ST8SIA2: variants seen among roughly 807,000 people sequenced by gnomAD.
ST8SIA2 encodes ST8 alpha-N-acetyl-neuraminide alpha-2,8-sialyltransferase 2.
In ST8SIA2, 22 loss-of-function variants were observed where a neutral mutation model predicts 37.6. The ratio of observed to expected loss-of-function variants is 0.58; its 90% CI spans 0.42 to 0.83. The LOEUF (loss-of-function observed/expected upper bound fraction) is 0.83, where lower values mean the gene tolerates loss of function less well. Among genes scored for constraint, ST8SIA2 ranks in the 40% least tolerant of loss-of-function variants. The pLI is 0.00. For missense variants in ST8SIA2, 382 were observed against 484.7 expected (o/e 0.79, Z 1.99); for synonymous variants, 205 against 201.2 (o/e 1.02, Z -0.16).
At chr15:92,446,815 T>C (rs951864339) in intron 5 of ST8SIA2, among the ~76,000 whole-genome samples, 1 of 152,060 alleles carries the variant, frequency 6.6e-6, no homozygotes, top group African/African-American at 2.4e-5. Context: ...TGCAAAGGCC[T>C]TGAGGTAGGA....
rs2049971982 is a variant in ST8SIA2 at position 92,463,695 on chromosome 15, G to A, written c.843-405G>A. ...GTATTGGGATTGTTGTGGCCCAAAA[G>A]CCAAAACTATTGATCATCTAGCCCC... On this transcript the variant is annotated intron_variant, in intron 5 of 5. Transcript: ENST00000268164. Among the ~76,000 whole-genome samples the A allele has an allele frequency of 2.0e-5, 3 of 152,296 alleles. No homozygotes were observed. In the South Asian group the frequency reaches 6.2e-4, roughly 32 times the overall value.
chr15:92,438,970 C>T (rs553985653), intron 4 of ST8SIA2, among the ~76,000 whole-genome samples: 1 of 152,266 alleles, frequency 6.6e-6, no homozygotes, highest in South Asian at 2.1e-4. Context: ...CCATGCCACC[C>T]GTTTTCATAT....
chr15:92,444,088 C>T (rs937612681), intron 4 of ST8SIA2, among the ~76,000 whole-genome samples: 1 of 152,164 alleles, frequency 6.6e-6, no homozygotes, highest in Non-Finnish European at 1.5e-5. Flanking sequence ...TTATTATATC[C>T]AGTAGTGTTC....
chr15:92,409,135 C>A (rs1031031851), intron 1 of ST8SIA2, among the ~76,000 whole-genome samples: 1 of 152,164 alleles, frequency 6.6e-6, no homozygotes, highest in Admixed American at 6.5e-5. Context: ...TCTGAGGTCT[C>A]GTGCACAGAA....
intron 4 of ST8SIA2, among the ~76,000 whole-genome samples, chr15:92,440,746 C>T (rs1190303418): frequency 6.6e-6 from 1 of 152,192 alleles, no homozygotes; most frequent in Non-Finnish European, 1.5e-5. Flanking sequence ...TGGGTTCTTC[C>T]CATCTAGGAG....
At position 92,452,761 on chromosome 15, in the gene ST8SIA2, G is replaced by A. The variant is rs191049066; in HGVS notation, c.842+7832G>A. Among the ~76,000 whole-genome samples, 174 of 152,282 alleles carry A rather than the reference G, an allele frequency of 1.1e-3. 1 individual carries two copies. The highest frequency in any genetic ancestry group is 3.9e-3 in the African/African-American group (161 of 41,556). Reference sequence around the variant, plus strand: ...AACTTGACGGACAGTTTAGGGAATCGAAGGGGACAAATGTTGACTTCTCAG... The same window carrying A: ...AACTTGACGGACAGTTTAGGGAATCAAAGGGGACAAATGTTGACTTCTCAG... On this transcript the variant is annotated intron_variant, in intron 5 of 5. Coordinates refer to ENST00000268164, the MANE Select transcript of ST8SIA2 (RefSeq NM_006011.4).
intron 1 of ST8SIA2, among the ~76,000 whole-genome samples, chr15:92,414,463 A>G (rs891229389): frequency 6.6e-6 from 1 of 152,162 alleles, no homozygotes; most frequent in Non-Finnish European, 1.5e-5. Context: ...CTACTCCCCA[A>G]TTTGGAGACA....
At chr15:92,424,397 GAAATA>G (rs141860093) in intron 1 of ST8SIA2, among the ~76,000 whole-genome samples, 1,663 of 152,174 alleles carry the variant, frequency 0.011, 33 homozygotes, top group African/African-American at 0.038. Flanking sequence ...TATTAAAAAT[GAAATA>G]AAATAAACAA....
intron 5 of ST8SIA2, among the ~76,000 whole-genome samples, chr15:92,450,583 G>A (rs1484634571): frequency 6.6e-6 from 1 of 152,162 alleles, no homozygotes; most frequent in Non-Finnish European, 1.5e-5. Context: ...CATGGCAGGA[G>A]CAAGAGAGAG....
At chr15:92,432,645 A>G (rs2049724069) in intron 2 of ST8SIA2, among the ~76,000 whole-genome samples, 1 of 152,200 alleles carries the variant, frequency 6.6e-6, no homozygotes, top group Non-Finnish European at 1.5e-5. Flanking sequence ...TTAAGCCTGC[A>G]TGCTAGGAAG....
chr15:92,401,747 G>A lies in ST8SIA2; in HGVS notation c.98+7585G>A, dbSNP rs11857089. The stretch of plus-strand genomic sequence containing the variant: ...TTTTTTTTTATTATTGAAGGAATGC[G>A]GAGGGACTCAGCTTTGCTTCCTGGA... On this transcript the variant is annotated intron_variant, in intron 1 of 5. Transcript: ENST00000268164. 6.4e-3 allele frequency among the ~76,000 whole-genome samples: 968 copies of A among 151,628 alleles called. 6 individuals are homozygous for A. The highest frequency in any genetic ancestry group is 9.9e-3 in the Non-Finnish European group (673 of 67,900).
intron 5 of ST8SIA2, among the ~76,000 whole-genome samples, chr15:92,446,848 A>G (rs1304781754): frequency 6.6e-6 from 1 of 152,130 alleles, no homozygotes; most frequent in Non-Finnish European, 1.5e-5. Context: ...GGTTCAACCA[A>G]GAGACAAATG....
rs2141856819 is a variant in ST8SIA2, at chr15:92,465,801, T to G, written c.*1416T>G. 6.6e-6 allele frequency: 1 copy of G among 152,118 alleles called. No individual in the cohort carries two copies. Among genetic ancestry groups the G allele is most frequent in the South Asian group, 2.1e-4 (1 of 4,812 alleles). 9.4% of individuals were successfully genotyped at this position (152,118 alleles called of 1,614,324 possible). On this transcript the variant is annotated 3_prime_UTR_variant, in exon 6 of 6. Coordinates refer to ENST00000268164, the MANE Select transcript of ST8SIA2 (RefSeq NM_006011.4). Reference sequence around the variant, plus strand: ...ACCCAAAGCCAAATGCAGTTCCAAATAGTGGACATAATCTCCCAGGGAAAT... The same window carrying G: ...ACCCAAAGCCAAATGCAGTTCCAAAGAGTGGACATAATCTCCCAGGGAAAT...
chr15:92,441,389 T>C (rs1469087164), intron 4 of ST8SIA2, among the ~76,000 whole-genome samples: 3 of 152,150 alleles, frequency 2.0e-5, no homozygotes, highest in African/African-American at 7.2e-5. Flanking sequence ...GGCAGATGCA[T>C]GGATCCGGCA....
Position 92,410,270 on chromosome 15 carries a change from G to A in ST8SIA2, c.98+16108G>A, listed in dbSNP as rs1401869597. On this transcript the variant is annotated intron_variant, in intron 1 of 5. Coordinates refer to ENST00000268164, the MANE Select transcript of ST8SIA2 (RefSeq NM_006011.4). Reference sequence around the variant, plus strand: ...CCTTGCCCTGAAATTTTAGAGCAGGGCAATAAATAGGTGTTGGTCTATTTT... The same window carrying A: ...CCTTGCCCTGAAATTTTAGAGCAGGACAATAAATAGGTGTTGGTCTATTTT... Among the ~76,000 whole-genome samples, 8 of 152,344 alleles carry A rather than the reference G, an allele frequency of 5.3e-5. No individual in the cohort carries two copies. The East Asian group carries it at 1.5e-3, about 29-fold the overall frequency.
At chr15:92,429,687 G>GCTAGAGCAGGTGCTGAGTCATT (rs1435946232) in intron 1 of ST8SIA2, among the ~76,000 whole-genome samples, 1 of 152,258 alleles carries the variant, frequency 6.6e-6, no homozygotes, top group Non-Finnish European at 1.5e-5. Flanking sequence ...GCTGAGTCAT[G>GCTAGAGCAGGTGCTGAGTCATT]CTAGAGCAGA....
intron 1 of ST8SIA2, among the ~76,000 whole-genome samples, chr15:92,394,897 G>A (rs2049418952): frequency 6.6e-6 from 1 of 152,176 alleles, no homozygotes; most frequent in African/African-American, 2.4e-5. Context: ...CTGTACCGCC[G>A]CCCGGTGGGC....
chr15:92,449,350 A>G (rs143522740), intron 5 of ST8SIA2, among the ~76,000 whole-genome samples: 85 of 152,336 alleles, frequency 5.6e-4, no homozygotes, highest in African/African-American at 1.9e-3. Context: ...TTTATACACC[A>G]TGCGTCCATG....
At chr15:92,447,115 A>G (rs1341755684) in intron 5 of ST8SIA2, among the ~76,000 whole-genome samples, 1 of 152,198 alleles carries the variant, frequency 6.6e-6, no homozygotes, top group Non-Finnish European at 1.5e-5. Context: ...GGCTTAGGCT[A>G]GGATTATGGC....
Sources: gnomAD v4.1 joint callset for allele counts (sites outside exome capture counted in the v4.1 genomes callset) on GRCh38, gnomAD v4.1.1 for gene constraint, MANE v1.5 for transcripts, NCBI Gene and HGNC (gene_info 2026-07-23, HGNC 2026-07-21) for gene names.